The following DYNC1H1 variants were observed in gnomAD, a reference collection of about 807,000 sequenced individuals.
The protein encoded by DYNC1H1 is dynein cytoplasmic 1 heavy chain 1, also known as cytoplasmic dynein 1 heavy chain 1.
In DYNC1H1, 51 loss-of-function variants were observed where a neutral mutation model predicts 527.1. The ratio of observed to expected loss-of-function variants is 0.10; its 90% CI spans 0.08 to 0.12. The LOEUF (loss-of-function observed/expected upper bound fraction) is 0.12, where lower values mean the gene tolerates loss of function less well. Ranked by LOEUF, DYNC1H1 falls within the 10% of genes least tolerant of loss-of-function variation. DYNC1H1 has a pLI of 1.00. For synonymous variants in DYNC1H1, 2,189 were observed against 2,278.8 expected (o/e 0.96, Z 1.12); for missense variants, 2,771 against 5,971.8 (o/e 0.46, Z 17.66).
At chr14:101,999,500 C>G (rs1232666068) in intron 16 of DYNC1H1, among the ~76,000 whole-genome samples, 1 of 152,154 alleles carries the variant, frequency 6.6e-6, no homozygotes, top group Non-Finnish European at 1.5e-5. Context: ...TTTTGTACAC[C>G]TCTCAACAGT....
rs570408889 is a variant in DYNC1H1 at position 101,994,256 on chromosome 14, C to T, written c.3088C>T (p.Pro1030Ser). Residue 1030 changes from proline to serine, a missense_variant, in exon 12 of 78, where the codon CCT becomes TCT. This residue lies in a region of DYNC1H1 where 179 missense variants were observed against 349.4 expected (regional missense o/e 0.51). Transcript: ENST00000360184. Reference sequence around the variant, plus strand: ...TGCTTTAACACGGATGCCTGATGGCCCTGTTGCCCTGGAAGAGTCGTATTC... The same window carrying T: ...TGCTTTAACACGGATGCCTGATGGCTCTGTTGCCCTGGAAGAGTCGTATTC... ...RNALTRMPDG[P>S]VALEESYSAV... 6.2e-7 allele frequency: 1 copy of T among 1,614,084 alleles called. No homozygotes were observed. Among genetic ancestry groups the T allele is most frequent in the South Asian group, 1.1e-5 (1 of 91,086 alleles).
At position 102,047,903 on chromosome 14, in the gene DYNC1H1, A is replaced by G. The variant is rs2048749027; in HGVS notation, c.13093A>G (p.Arg4365Gly). The change falls in exon 73 of 78, where the codon AGG becomes GGG. Residue 4365 changes from arginine to glycine, a missense_variant. Around this residue, in one of 32 missense-constraint regions of DYNC1H1, gnomAD observed 170 missense variants for 249.8 expected, o/e 0.68. Transcript: ENST00000360184. The part of the protein sequence containing the change: ...LAYAETEKKT[R>G]TDSTSDGRPA... ...CTACGCAGAGACTGAGAAGAAGACG[A>G]GGACAGACTCCACGTCCGACGGGCG... 1 of 1,613,678 alleles carries G rather than the reference A, an allele frequency of 6.2e-7. No individual in the cohort carries two copies. Among genetic ancestry groups the G allele is most frequent in the Non-Finnish European group, 8.5e-7 (1 of 1,180,038 alleles).
chr14:102,023,179 T>A, intron 43 of DYNC1H1: 1 of 398,506 alleles, frequency 2.5e-6, no homozygotes, highest in South Asian at 2.1e-5. Flanking sequence ...GCCCAGGAAG[T>A]CACAGTGAGC....
rs148290637 is a variant in DYNC1H1, at chr14:101,986,842, C to T, written c.2538+79C>T. The stretch of plus-strand genomic sequence containing the variant: ...AGCGAGCTCAGTTAAAACACTAGTT[C>T]TCCCGAAGAAGGCATGCATGGTTGA... On this transcript the variant is annotated intron_variant, in intron 8 of 77. Transcript: ENST00000360184. The surrounding 1 kb of genome is among the most constrained non-coding windows in gnomAD (Gnocchi z 8.7). The T allele has an allele frequency of 6.5e-7, 1 of 1,528,486 alleles. No homozygotes were observed. Among genetic ancestry groups the T allele is most frequent in the African/African-American group, 1.4e-5 (1 of 73,384 alleles). The allele number at this position is 1,528,486 out of a possible 1,614,324, so 94.7% of individuals were successfully genotyped here. A position where few individuals can be genotyped will look rare whatever the true frequency, so the allele number is the denominator to read the frequency against.
chr14:101,970,867 G>A (rs1262250833), intron 1 of DYNC1H1, among the ~76,000 whole-genome samples: 3 of 152,198 alleles, frequency 2.0e-5, no homozygotes, highest in South Asian at 2.1e-4. Flanking sequence ...TAGTGTATGC[G>A]GGCCAAAGGA....
At chr14:101,972,291 T>A (rs571109767) in intron 1 of DYNC1H1, among the ~76,000 whole-genome samples, 1 of 152,188 alleles carries the variant, frequency 6.6e-6, no homozygotes, top group East Asian at 1.9e-4. Context: ...TGTCCTAAAT[T>A]GTGTGACTGT....
rs573730260 is a variant in DYNC1H1 at position 102,044,400 on chromosome 14, C to T, written c.12811C>T (p.Arg4271Cys). 1.7e-5 allele frequency: 28 copies of T among 1,614,012 alleles called. No homozygotes were observed. The highest frequency in any genetic ancestry group is 8.9e-5 in the East Asian group (4 of 44,886). ...GCGTCTGCTCAACACCTTCCTGGAGCGCCTGTTCACAACCAGGAGTTTCGA... is the reference window on the plus strand; with the variant it reads ...GCGTCTGCTCAACACCTTCCTGGAGTGCCTGTTCACAACCAGGAGTTTCGA... The part of the protein sequence containing the change: ...DQRLLNTFLE[R>C]LFTTRSFDSE... Residue 4271 changes from arginine (R) to cysteine (C), a missense_variant, in exon 71 of 78, where the codon CGC becomes TGC. This residue lies in a region of DYNC1H1 where 195 missense variants were observed against 428.6 expected (regional missense o/e 0.45). Coordinates refer to ENST00000360184, the MANE Select transcript of DYNC1H1 (RefSeq NM_001376.5). This position sits in a 1 kb window ranked among gnomAD's most constrained non-coding sequence, Gnocchi z 7.1.
chr14:102,040,367 T>G lies in DYNC1H1; in HGVS notation c.11822T>G (p.Leu3941Arg). The change falls in exon 63 of 78, where the codon CTT (leucine) becomes CGT (arginine). Residue 3941 changes from leucine to arginine, a missense_variant. By Grantham distance (102) the Leu-to-Arg change is moderately radical. Coordinates refer to ENST00000360184, the MANE Select transcript of DYNC1H1 (RefSeq NM_001376.5). Reference protein sequence around the residue: ...QAEAVVRLSCLPAFKDLIAKV... With the variant: ...QAEAVVRLSCRPAFKDLIAKV... ...GAGGCGGTGGTGAGGCTGAGCTGCCTTCCCGCGTTTAAGGACTTGATTGCA... is the reference window on the plus strand; with the variant it reads ...GAGGCGGTGGTGAGGCTGAGCTGCCGTCCCGCGTTTAAGGACTTGATTGCA... 6.2e-7 allele frequency: 1 copy of G among 1,614,190 alleles called. No homozygotes were observed. Among genetic ancestry groups the G allele is most frequent in the South Asian group, 1.1e-5 (1 of 91,078 alleles).
chr14:101,995,979 G>A (rs1358034415), intron 15 of DYNC1H1, among the ~76,000 whole-genome samples: 4 of 151,890 alleles, frequency 2.6e-5, no homozygotes, highest in East Asian at 2.0e-4. Flanking sequence ...CAGGAGAATC[G>A]CTTGAAGCTG....
In DYNC1H1 at chr14:102,039,603, T is replaced by C; in HGVS notation, c.11596-35T>C. On this transcript the variant is annotated intron_variant, in intron 61 of 77. Coordinates refer to ENST00000360184, the MANE Select transcript of DYNC1H1 (RefSeq NM_001376.5). The surrounding 1 kb of genome is among the most constrained non-coding windows in gnomAD (Gnocchi z 7.0). Reference sequence around the variant, plus strand: ...GGGGGGAAGCAGGGTGCTGCTTCTCTTATGGAACAACATCGTCTCCTGCTC... The same window carrying C: ...GGGGGGAAGCAGGGTGCTGCTTCTCCTATGGAACAACATCGTCTCCTGCTC... The C allele has an allele frequency of 6.2e-7, 1 of 1,614,178 alleles. No homozygotes were observed. Among genetic ancestry groups the C allele is most frequent in the Middle Eastern group, 1.6e-4 (1 of 6,062 alleles).
rs942178667 is a variant in DYNC1H1 at position 101,972,882 on chromosome 14, G to A, written c.257-2830G>A. On this transcript the variant is annotated intron_variant, in intron 1 of 77. Coordinates refer to ENST00000360184, the MANE Select transcript of DYNC1H1 (RefSeq NM_001376.5). Reference sequence around the variant, plus strand: ...CAATATGGAAAATTCAGAAAATTGAGGGAGAAAATCATCGCAGTACTTTGA... The same window carrying A: ...CAATATGGAAAATTCAGAAAATTGAAGGAGAAAATCATCGCAGTACTTTGA... Among the ~76,000 whole-genome samples the A allele has an allele frequency of 5.9e-5, 9 of 152,222 alleles. 1 individual carries two copies. The East Asian group carries it at 1.7e-3, about 29-fold the overall frequency.
At position 102,010,765 on chromosome 14, in the gene DYNC1H1, C is replaced by T. The variant is rs1355108231; in HGVS notation, c.6431C>T (p.Thr2144Met). The T allele has an allele frequency of 2.5e-6, 4 of 1,613,140 alleles. No individual in the cohort carries two copies. Among genetic ancestry groups the T allele is most frequent in the South Asian group, 1.1e-5 (1 of 91,040 alleles). Residue 2144 changes from threonine (T) to methionine (M), a missense_variant, in exon 32 of 78, where the codon ACG becomes ATG. Thr to Met is a moderately conservative substitution (Grantham distance 81). This residue lies in a region of DYNC1H1 where 56 missense variants were observed against 140.6 expected (regional missense o/e 0.40). Coordinates refer to ENST00000360184, the MANE Select transcript of DYNC1H1 (RefSeq NM_001376.5). The surrounding 1 kb of genome is among the most constrained non-coding windows in gnomAD (Gnocchi z 6.0). ...ATTCTGATACAGAGCGTCTGTGAGA[C>T]GATGGTGCCAAAGCTGGTGGCAGAG... ...QEILIQSVCE[T>M]MVPKLVAEDI...
intron 29 of DYNC1H1, chr14:102,009,474 T>A (rs1375739001): frequency 3.4e-6 from 1 of 298,312 alleles, no homozygotes; most frequent in East Asian, 9.0e-5. Flanking sequence ...ATTCCCATGA[T>A]GTAAGCCAGT....
chr14:102,043,725 T>G, intron 69 of DYNC1H1, 150 bp from the exon 70 acceptor site: 1 of 1,041,700 alleles, frequency 9.6e-7, no homozygotes, highest in Non-Finnish European at 1.4e-6. Context: ...TTGGCATACT[T>G]TTCTCCTAGC....
chr14:102,032,921 A>G (rs886237664), intron 52 of DYNC1H1, 144 bp from the exon 53 acceptor site: 2 of 804,850 alleles, frequency 2.5e-6, no homozygotes, highest in Admixed American at 4.7e-5. Flanking sequence ...CTGAGAACCA[A>G]GGGTCAGTCT....
intron 5 of DYNC1H1, 111 bp downstream of exon 5, chr14:101,980,661 T>C: frequency 7.7e-7 from 1 of 1,303,944 alleles, no homozygotes; most frequent in Non-Finnish European, 1.1e-6. Flanking sequence ...ACTGTCGTTT[T>C]TAACCATTTC....
At chr14:101,970,541 G>A (rs1292556180) in intron 1 of DYNC1H1, among the ~76,000 whole-genome samples, 1 of 132,302 alleles carries the variant, frequency 7.6e-6, no homozygotes, top group Non-Finnish European at 1.5e-5. Flanking sequence ...GGAGTGCAGT[G>A]GCACGATCTC....
rs890555539 is a variant in DYNC1H1, at chr14:101,964,954, G to T, written c.256+7G>T. The T allele has an allele frequency of 1.2e-5, 19 of 1,588,726 alleles. No homozygotes were observed. The highest frequency in any genetic ancestry group is 1.8e-5 in the Admixed American group (1 of 56,350). ...GAGCGCTCCACGCTCAAAGGTGCGG[G>T]GCCGCGGAGGGCAGGGTCGCCAGAG... On this transcript the variant is annotated splice_region_variant and intron_variant, in intron 1 of 77. Transcript: ENST00000360184. This position sits in a 1 kb window ranked among gnomAD's most constrained non-coding sequence, Gnocchi z 5.5.
In DYNC1H1 at chr14:102,041,886, A is replaced by G. The variant is rs2048655183; in HGVS notation, c.12103-127A>G. 4.7e-6 allele frequency: 7 copies of G among 1,497,870 alleles called. No homozygotes were observed. The highest frequency in any genetic ancestry group is 3.8e-5 in the Admixed American group (2 of 52,860). 92.8% of individuals were successfully genotyped at this position (1,497,870 alleles called of 1,614,324 possible). A position where few individuals can be genotyped will look rare whatever the true frequency, so the allele number is the denominator to read the frequency against. On this transcript the variant is annotated intron_variant, in intron 65 of 77. Coordinates refer to ENST00000360184, the MANE Select transcript of DYNC1H1 (RefSeq NM_001376.5). This position sits in a 1 kb window ranked among gnomAD's most constrained non-coding sequence, Gnocchi z 4.5. ...CTGCAGATTCTCAACTCCTGGCTGCATGGTGCCCACACCTCTGGGCCCAGA... is the reference window on the plus strand; with the variant it reads ...CTGCAGATTCTCAACTCCTGGCTGCGTGGTGCCCACACCTCTGGGCCCAGA...
Sources: gnomAD v4.1 joint callset for allele counts (sites outside exome capture counted in the v4.1 genomes callset) on GRCh38, gnomAD v4.1.1 for gene constraint, gnomAD v4.1.1 regional missense constraint, Gnocchi (gnomAD v3.1) non-coding constraint, MANE v1.5 for transcripts, NCBI Gene and HGNC (gene_info 2026-07-23, HGNC 2026-07-21) for gene names.